The following TSPAN5 variants were observed in gnomAD, a reference collection of about 807,000 sequenced individuals.
The protein encoded by TSPAN5 is tetraspanin-5.
A neutral mutation model predicts 37.1 loss-of-function variants in TSPAN5; 10 were observed. The ratio of observed to expected loss-of-function variants is 0.27; its 90% confidence interval spans 0.17 to 0.46. The LOEUF is 0.46. Among genes scored for constraint, TSPAN5 ranks in the 20% least tolerant of loss-of-function variants. The pLI, the probability that TSPAN5 is intolerant of heterozygous loss-of-function variation, is 1.00. For missense variants in TSPAN5, 195 were observed against 326.6 expected, an observed-to-expected ratio of 0.60 and a Z score of 3.11; for synonymous variants, 110 against 118.9, an observed-to-expected ratio of 0.93 and a Z score of 0.48.
chr4:98,588,913 T>C (rs1262096130), intron 1 of TSPAN5, among the ~76,000 whole-genome samples: 1 of 152,196 alleles, frequency 6.6e-6, no homozygotes, highest in Non-Finnish European at 1.5e-5. Context: ...TTTTATCCTT[T>C]TGATAAAAGG....
intron 5 of TSPAN5, among the ~76,000 whole-genome samples, chr4:98,477,058 C>T (rs917119720): frequency 6.6e-5 from 10 of 152,234 alleles, no homozygotes; most frequent in East Asian, 1.9e-4. Flanking sequence ...TAGCTTAGAG[C>T]GCAAGGAATG....
chr4:98,590,810 C>G (rs1755614787), intron 1 of TSPAN5, among the ~76,000 whole-genome samples: 1 of 152,072 alleles, frequency 6.6e-6, no homozygotes, highest in African/African-American at 2.4e-5. Context: ...AACTCCAAGA[C>G]TAGTCTATTA....
chr4:98,620,974 C>T (rs9684705), intron 1 of TSPAN5, among the ~76,000 whole-genome samples: 87,092 of 151,608 alleles, frequency 0.57, 26,340 homozygotes, highest in African/African-American at 0.76. Flanking sequence ...CATCTCAAAA[C>T]GTGACTTTAT....
intron 6 of TSPAN5, 25 bp from the exon 7 acceptor site, chr4:98,476,330 A>G: frequency 6.2e-7 from 1 of 1,613,240 alleles, no homozygotes; most frequent in Non-Finnish European, 8.5e-7. Context: ...AGGAGAGCAC[A>G]TTGTCACAGA....
intron 1 of TSPAN5, among the ~76,000 whole-genome samples, chr4:98,645,043 C>T (rs1757033221): frequency 6.6e-6 from 1 of 152,198 alleles, no homozygotes; most frequent in South Asian, 2.1e-4. Context: ...AGTGCGATTC[C>T]CTGGTGACTT....
chr4:98,568,831 A>G (rs1000708792), intron 1 of TSPAN5, among the ~76,000 whole-genome samples: 1 of 152,254 alleles, frequency 6.6e-6, no homozygotes, highest in African/African-American at 2.4e-5. Context: ...ATCTAAGGGT[A>G]AGAATGTCAA....
At chr4:98,538,683 A>T (rs987965073) in intron 1 of TSPAN5, among the ~76,000 whole-genome samples, 1 of 152,236 alleles carries the variant, frequency 6.6e-6, no homozygotes, top group African/African-American at 2.4e-5. Context: ...CTTCAAAATT[A>T]ATATTTTATG....
chr4:98,654,035 A>T (rs1334270096), intron 1 of TSPAN5, among the ~76,000 whole-genome samples: 2 of 152,234 alleles, frequency 1.3e-5, no homozygotes, highest in African/African-American at 4.8e-5. Context: ...GACAGGAAGA[A>T]GCCACGTGTA....
chr4:98,471,185 G>A lies in TSPAN5; in HGVS notation c.*1337C>T, dbSNP rs1407199843. On this transcript the variant is annotated 3_prime_UTR_variant, in exon 8 of 8. Coordinates refer to ENST00000305798, the MANE Select transcript of TSPAN5 (RefSeq NM_005723.4). Reference sequence around the variant, plus strand: ...ATGGTTAGTCTGCAATAAGAGAACTGAAGGAGCTATGGCCATGCACTATTT... The same window carrying A: ...ATGGTTAGTCTGCAATAAGAGAACTAAAGGAGCTATGGCCATGCACTATTT... 6.6e-6 allele frequency: 1 copy of A among 152,232 alleles called. No homozygotes were observed. Among genetic ancestry groups the A allele is most frequent in the African/African-American group, 2.4e-5 (1 of 41,444 alleles). 9.4% of individuals were successfully genotyped at this position (152,232 alleles called of 1,614,324 possible).
At chr4:98,486,992 A>G in intron 2 of TSPAN5, 108 bp from the exon 3 acceptor site, 2 of 1,096,778 alleles carry the variant, frequency 1.8e-6, no homozygotes, top group Non-Finnish European at 1.3e-6. Flanking sequence ...AAACCTTCAG[A>G]GGGCATCTGA....
chr4:98,515,991 C>T (rs1753720188), intron 1 of TSPAN5, among the ~76,000 whole-genome samples: 1 of 152,216 alleles, frequency 6.6e-6, no homozygotes, highest in South Asian at 2.1e-4. Context: ...TCTTTCCTCT[C>T]CGTAACCTTA....
chr4:98,582,160 G>C (rs9996851), intron 1 of TSPAN5, among the ~76,000 whole-genome samples: 119,606 of 152,224 alleles, frequency 0.79, 47,745 homozygotes, highest in African/African-American at 0.93. Flanking sequence ...AAACTGCATA[G>C]CTTTTGCAAG....
intron 1 of TSPAN5, among the ~76,000 whole-genome samples, chr4:98,555,084 G>A (rs757107313): frequency 2.0e-5 from 3 of 152,158 alleles, no homozygotes; most frequent in Non-Finnish European, 4.4e-5. Context: ...AGCTAACAGC[G>A]TGGGTGGTTA....
intron 1 of TSPAN5, among the ~76,000 whole-genome samples, chr4:98,569,127 T>C (rs1755066840): frequency 6.6e-6 from 1 of 152,230 alleles, no homozygotes; most frequent in African/African-American, 2.4e-5. Flanking sequence ...TCTTTGTTTT[T>C]ATTCCATACC....
chr4:98,579,519 A>T (rs62323631), intron 1 of TSPAN5, among the ~76,000 whole-genome samples: 14,376 of 152,190 alleles, frequency 0.094, 777 homozygotes, highest in South Asian at 0.22. Flanking sequence ...TAACCAAAGG[A>T]CAGGGCTCTG....
chr4:98,629,075 T>C (rs1335116568), intron 1 of TSPAN5, among the ~76,000 whole-genome samples: 1 of 152,212 alleles, frequency 6.6e-6, no homozygotes, highest in Admixed American at 6.5e-5. Flanking sequence ...TATGTATATG[T>C]TACTGCAATT....
At chr4:98,617,849 T>C (rs1435343276) in intron 1 of TSPAN5, among the ~76,000 whole-genome samples, 2 of 152,250 alleles carry the variant, frequency 1.3e-5, no homozygotes, top group Non-Finnish European at 1.5e-5. Context: ...GTTCTGGCAC[T>C]TAAGCCTGTA....
At chr4:98,478,974 T>C (rs1455635317) in intron 4 of TSPAN5, among the ~76,000 whole-genome samples, 164 bp from the exon 5 acceptor site, 1 of 152,170 alleles carries the variant, frequency 6.6e-6, no homozygotes, top group African/African-American at 2.4e-5. Flanking sequence ...TATAAAATCT[T>C]CCAAATTAAT....
At chr4:98,632,891 AAGC>A (rs1032588277) in intron 1 of TSPAN5, among the ~76,000 whole-genome samples, 6 of 152,294 alleles carry the variant, frequency 3.9e-5, no homozygotes, top group Admixed American at 2.0e-4. Flanking sequence ...GCTGCACCAA[AAGC>A]AGCAGAAGCT....
Sources: allele counts gnomAD v4.1 joint callset (sites outside exome capture counted in the v4.1 genomes callset), GRCh38; gene constraint gnomAD v4.1.1; transcripts MANE v1.5; gene names NCBI Gene and HGNC (gene_info 2026-07-23, HGNC 2026-07-21).